ZNF804B: variants seen among roughly 807,000 people sequenced by gnomAD.
ZNF804B encodes the protein zinc finger protein 804B.
In ZNF804B, 80 loss-of-function variants were observed where a neutral mutation model predicts 101.4. The ratio of observed to expected loss-of-function variants is 0.79; its 90% CI spans 0.66 to 0.95. The LOEUF is 0.95. Ranked by LOEUF, ZNF804B falls within the 40% of genes least tolerant of loss-of-function variation. The probability of loss-of-function intolerance (pLI) is 0.00; values close to 1 mark genes in which losing one functional copy is unlikely to be tolerated. For missense variants in ZNF804B, 1,673 were observed against 1,561.9 expected (o/e 1.07, Z -1.20); for synonymous variants, 622 against 558.8 (o/e 1.11, Z -1.59).
chr7:89,172,324 A>C (rs1255309640), intron 1 of ZNF804B, among the ~76,000 whole-genome samples: 1 of 152,182 alleles, frequency 6.6e-6, no homozygotes, highest in Non-Finnish European at 1.5e-5. Context: ...GTAAATGGGA[A>C]GTGAGAAAAT....
At chr7:88,778,757 AG>A (rs1362641097) in intron 1 of ZNF804B, among the ~76,000 whole-genome samples, 13 of 152,188 alleles carry the variant, frequency 8.5e-5, no homozygotes, top group Non-Finnish European at 1.9e-4. Context: ...CAAGGAAGGC[AG>A]GCATTACCCT....
chr7:89,274,514 T>A (rs1468354524), intron 2 of ZNF804B, among the ~76,000 whole-genome samples: 1 of 151,114 alleles, frequency 6.6e-6, no homozygotes, highest in Non-Finnish European at 1.5e-5. Context: ...GGCTGCATAG[T>A]ATTCCATGGT....
intron 1 of ZNF804B, 26 bp downstream of exon 1, chr7:88,760,110 A>C (rs768250255): frequency 6.4e-7 from 1 of 1,574,504 alleles, no homozygotes; most frequent in African/African-American, 1.4e-5. Flanking sequence ...ACACACATAC[A>C]TACACAAACG....
At chr7:89,029,472 C>T (rs1171139128) in intron 1 of ZNF804B, among the ~76,000 whole-genome samples, 5 of 152,142 alleles carry the variant, frequency 3.3e-5, no homozygotes, top group Non-Finnish European at 7.3e-5. Context: ...AAAACATACA[C>T]ACAGGCTTTG....
intron 1 of ZNF804B, among the ~76,000 whole-genome samples, chr7:88,762,938 A>G (rs937497951): frequency 6.6e-6 from 1 of 152,160 alleles, no homozygotes; most frequent in Non-Finnish European, 1.5e-5. Flanking sequence ...AACTGTTTGC[A>G]TGTAGAACAT....
intron 2 of ZNF804B, among the ~76,000 whole-genome samples, chr7:89,274,889 G>C (rs1238090300): frequency 1.3e-5 from 2 of 151,750 alleles, no homozygotes; most frequent in Non-Finnish European, 2.9e-5. Flanking sequence ...CCAAATATTG[G>C]AAGTGTTCTT....
chr7:89,149,322 T>C (rs1287108814), intron 1 of ZNF804B, among the ~76,000 whole-genome samples: 1 of 152,112 alleles, frequency 6.6e-6, no homozygotes, highest in African/African-American at 2.4e-5. Flanking sequence ...CCAGTCCAAA[T>C]AAAGGTACAA....
At chr7:88,851,067 G>A (rs1791445291) in intron 1 of ZNF804B, among the ~76,000 whole-genome samples, 1 of 151,938 alleles carries the variant, frequency 6.6e-6, no homozygotes, top group African/African-American at 2.4e-5. Flanking sequence ...TAGAGAACTT[G>A]GAAACAGCAG....
chr7:89,237,693 C>T (rs1009826862), intron 2 of ZNF804B, among the ~76,000 whole-genome samples: 19 of 152,146 alleles, frequency 1.2e-4, no homozygotes, highest in Admixed American at 3.3e-4. Flanking sequence ...GCTGGGTGTG[C>T]TCCAGAGAAA....
chr7:88,873,716 T>C (rs1428281574), intron 1 of ZNF804B, among the ~76,000 whole-genome samples: 1 of 152,330 alleles, frequency 6.6e-6, no homozygotes, highest in Non-Finnish European at 1.5e-5. Context: ...GCACCATTTA[T>C]TAAATATGGA....
At position 89,176,587 on chromosome 7, in the gene ZNF804B, C is replaced by CTTTTTTTTTTTTTTTTTTT. The variant is rs142696289; in HGVS notation, c.109-41565_109-41564insTTTTTTTTTTTTTTTTTTT. Reference sequence around the variant, plus strand: ...TTTTCTTTTTTTTCTTTCTTTCTTTCTTTCTTTTTTTTTTTTTTTTTCATG... The same window carrying CTTTTTTTTTTTTTTTTTTT: ...TTTTCTTTTTTTTCTTTCTTTCTTTCTTTTTTTTTTTTTTTTTTTTTTCTTTTTTTTTTTTTTTTTCATG... On this transcript the variant is annotated intron_variant, in intron 1 of 3. Transcript: ENST00000333190. 3.9e-4 allele frequency among the ~76,000 whole-genome samples: 21 copies of CTTTTTTTTTTTTTTTTTTT among 53,978 alleles called. 2 individuals carry two copies. Among genetic ancestry groups the CTTTTTTTTTTTTTTTTTTT allele is most frequent in the South Asian group, 7.5e-4 (1 of 1,336 alleles). The allele number at this position is 53,978 out of a possible 152,430, so 35.4% of individuals were successfully genotyped here.
intron 1 of ZNF804B, among the ~76,000 whole-genome samples, chr7:88,879,273 C>T (rs1160847782): frequency 1.3e-5 from 2 of 152,044 alleles, no homozygotes; most frequent in Non-Finnish European, 2.9e-5. Context: ...CATGCATCCT[C>T]AACAAGGATG....
rs73399143 is a variant in ZNF804B, at chr7:89,255,163, G to T, written c.249+36868G>T. The stretch of plus-strand genomic sequence containing the variant: ...AGAAGTAGGCGCCTTCTTCACAGGG[G>T]TGGCAGAACAGAGTGAGTGCAAGCA... On this transcript the variant is annotated intron_variant, in intron 2 of 3. Transcript: ENST00000333190. Among the ~76,000 whole-genome samples the T allele has an allele frequency of 4.7e-3, 718 of 152,224 alleles. 2 individuals are homozygous for T. The highest frequency in any genetic ancestry group is 0.016 in the African/African-American group (674 of 41,538).
chr7:89,310,920 A>C lies in ZNF804B; in HGVS notation c.250-16424A>C, dbSNP rs767020216. Among the ~76,000 whole-genome samples, 9 of 152,262 alleles carry C rather than the reference A, an allele frequency of 5.9e-5. No individual in the cohort carries two copies. In the Middle Eastern group the frequency reaches 0.01, roughly 173 times the overall value. The stretch of plus-strand genomic sequence containing the variant: ...AAATAAAGACGGCTTCATGTCAGGA[A>C]CCACACAATCTTCTGGGAGAGCAGA... On this transcript the variant is annotated intron_variant, in intron 2 of 3. Transcript: ENST00000333190.
intron 1 of ZNF804B, among the ~76,000 whole-genome samples, chr7:88,845,591 T>C (rs536777976): frequency 6.6e-6 from 1 of 152,270 alleles, no homozygotes; most frequent in South Asian, 2.1e-4. Context: ...GTTTTTTTTT[T>C]TCTCTTGCTA....
At chr7:89,307,066 T>C (rs801816) in intron 2 of ZNF804B, among the ~76,000 whole-genome samples, 5,711 of 152,114 alleles carry the variant, frequency 0.038, 164 homozygotes, top group African/African-American at 0.073. Context: ...CACTCAATGA[T>C]ACTAGGTTGT....
intron 1 of ZNF804B, among the ~76,000 whole-genome samples, chr7:89,090,096 A>G (rs1333639831): frequency 6.6e-6 from 1 of 152,082 alleles, no homozygotes; most frequent in African/African-American, 2.4e-5. Context: ...CCAACATCTA[A>G]TTGCAATTGG....
chr7:89,298,038 T>G (rs1015562025), intron 2 of ZNF804B, among the ~76,000 whole-genome samples: 1 of 146,664 alleles, frequency 6.8e-6, no homozygotes, highest in African/African-American at 2.5e-5. Flanking sequence ...TATGCCCATA[T>G]GTCTGCAGTT....
At chr7:89,314,859 C>T (rs746656055) in intron 2 of ZNF804B, among the ~76,000 whole-genome samples, 3 of 152,162 alleles carry the variant, frequency 2.0e-5, no homozygotes, top group Non-Finnish European at 4.4e-5. Flanking sequence ...TTAGTTGCTA[C>T]TCTCTGTCTT....
Sources: gnomAD v4.1 joint callset for allele counts (sites outside exome capture counted in the v4.1 genomes callset) on GRCh38, gnomAD v4.1.1 for gene constraint, MANE v1.5 for transcripts, NCBI Gene and HGNC (gene_info 2026-07-23, HGNC 2026-07-21) for gene names.